The following UBXN2B variants were observed in gnomAD, a reference collection of about 807,000 sequenced individuals.
UBXN2B encodes UBX domain-containing protein 2B.
Under a neutral mutation model 37.5 loss-of-function variants are expected in UBXN2B, and 19 were observed. The observed-to-expected ratio is 0.51, with a 90% CI of 0.35 to 0.74. The LOEUF (loss-of-function observed/expected upper bound fraction) is 0.74, where lower values mean the gene tolerates loss of function less well. Ranked by LOEUF, UBXN2B falls within the 30% of genes least tolerant of loss-of-function variation. UBXN2B has a pLI of 0.01. For synonymous variants in UBXN2B, 145 were observed against 143.8 expected (o/e 1.01, Z -0.06); for missense variants, 370 against 393.2 (o/e 0.94, Z 0.50).
At chr8:58,443,096 C>T (rs1051077469) in intron 6 of UBXN2B, among the ~76,000 whole-genome samples, 6 of 152,196 alleles carry the variant, frequency 3.9e-5, no homozygotes, top group African/African-American at 1.2e-4. Context: ...TGCTGTGCCT[C>T]GCCAGTCTCA....
chr8:58,425,002 A>G, intron 2 of UBXN2B: 2 of 785,916 alleles, frequency 2.5e-6, no homozygotes, highest in South Asian at 1.3e-5. Flanking sequence ...ACTGCCGTGC[A>G]CCACGACTGG....
At position 58,445,984 on chromosome 8, in the gene UBXN2B, T is replaced by C. The variant is rs1442780964; in HGVS notation, c.749T>C (p.Ile250Thr). ...DKSILNAVVL[I>T]DDSVPTTKIQ... ...TCAATACTTAATGCAGTTGTTCTTA[T>C]TGATGATTCAGTGCCAACAACAAAA... Residue 250 changes from isoleucine to threonine, a missense_variant, in exon 7 of 8, where the codon ATT (isoleucine) becomes ACT (threonine). Coordinates refer to ENST00000399598, the MANE Select transcript of UBXN2B (RefSeq NM_001077619.2). 5 of 1,613,378 alleles carry C rather than the reference T, an allele frequency of 3.1e-6. No homozygotes were observed. Among genetic ancestry groups the C allele is most frequent in the African/African-American group, 1.3e-5 (1 of 75,006 alleles).
chr8:58,417,246 G>A (rs554556631), intron 2 of UBXN2B, among the ~76,000 whole-genome samples: 1 of 152,118 alleles, frequency 6.6e-6, no homozygotes, highest in South Asian at 2.1e-4. Flanking sequence ...TATTTTTCTT[G>A]GGCACAATGG....
intron 5 of UBXN2B, among the ~76,000 whole-genome samples, chr8:58,439,101 G>A (rs1808485111): frequency 6.6e-6 from 1 of 152,104 alleles, no homozygotes; most frequent in African/African-American, 2.4e-5. Flanking sequence ...AGTTTCCCGA[G>A]GTCTCACCAG....
Position 58,447,445 on chromosome 8 carries a change from A to G in UBXN2B, c.890A>G (p.Asp297Gly). Reference protein sequence around the residue: ...VQSRPEFAALDFILVTSFPNK... With the variant: ...VQSRPEFAALGFILVTSFPNK... ...TCTCGTCCTGAATTTGCGGCTCTTG[A>G]CTTTATTCTTGTGACTTCATTTCCG... The change falls in exon 8 of 8, where the codon GAC (aspartate) becomes GGC (glycine). Residue 297 changes from aspartate (D) to glycine (G), a missense_variant. By Grantham distance (94) the Asp-to-Gly change is moderately conservative. Transcript: ENST00000399598. 1 of 1,613,038 alleles carries G rather than the reference A, an allele frequency of 6.2e-7. No individual in the cohort carries two copies. The highest frequency in any genetic ancestry group is 1.1e-5 in the South Asian group (1 of 90,924).
At chr8:58,425,172 TTC>T (rs1412194226) in intron 2 of UBXN2B, 2 of 889,346 alleles carry the variant, frequency 2.2e-6, no homozygotes, top group Non-Finnish European at 3.8e-6. Context: ...AAAGTTTAAG[TTC>T]TCTTAGCATA....
At chr8:58,430,139 T>A (rs966571176) in intron 2 of UBXN2B, among the ~76,000 whole-genome samples, 3 of 152,230 alleles carry the variant, frequency 2.0e-5, no homozygotes, top group African/African-American at 7.2e-5. Context: ...CTACTGAGTG[T>A]GGCCTTCTTA....
In UBXN2B at chr8:58,433,154, T is replaced by C. The variant is rs1482549247; in HGVS notation, c.340-6T>C. On this transcript the variant is annotated splice_region_variant and splice_polypyrimidine_tract_variant and intron_variant, in intron 3 of 7. Transcript: ENST00000399598. ...TGAATTTTAACTCACTTGCTATGTA[T>C]TTTAGTCATTTACAGGTGGAGGATA... 17 of 1,601,298 alleles carry C rather than the reference T, an allele frequency of 1.1e-5. No individual in the cohort carries two copies. In the East Asian group the frequency reaches 3.6e-4, roughly 34 times the overall value.
chr8:58,424,185 C>T (rs945189235), intron 2 of UBXN2B, among the ~76,000 whole-genome samples: 7 of 147,394 alleles, frequency 4.7e-5, no homozygotes, highest in East Asian at 3.9e-4. Context: ...TTCTTATCCC[C>T]GACAATGAGG....
chr8:58,432,262 T>TATATA (rs1808298221), intron 3 of UBXN2B, among the ~76,000 whole-genome samples: 3 of 152,106 alleles, frequency 2.0e-5, no homozygotes, highest in African/African-American at 7.2e-5. Flanking sequence ...ATATAAGGTG[T>TATATA]GAGGTTGACA....
chr8:58,434,381 T>C lies in UBXN2B; in HGVS notation c.424-14T>C, dbSNP rs561158906. The C allele has an allele frequency of 6.6e-4, 784 of 1,187,096 alleles. 10 individuals are homozygous for C. The African/African-American group carries it at 0.011, about 17-fold the overall frequency. The allele number at this position is 1,187,096 out of a possible 1,614,324, so 73.5% of individuals were successfully genotyped here. ...TATATATATATATATTTTTTTTTTTTCTATACCCAAAAGGTTCAGATTTTG... is the reference window on the plus strand; with the variant it reads ...TATATATATATATATTTTTTTTTTTCCTATACCCAAAAGGTTCAGATTTTG... On this transcript the variant is annotated splice_polypyrimidine_tract_variant and intron_variant, in intron 4 of 7. Coordinates refer to ENST00000399598, the MANE Select transcript of UBXN2B (RefSeq NM_001077619.2).
At chr8:58,442,396 G>T (rs1808570945) in intron 6 of UBXN2B, among the ~76,000 whole-genome samples, 5 of 152,156 alleles carry the variant, frequency 3.3e-5, no homozygotes. Context: ...CATTTAGAAA[G>T]TAACTTTCTA....
intron 6 of UBXN2B, among the ~76,000 whole-genome samples, chr8:58,443,388 T>A (rs889365975): frequency 1.3e-5 from 2 of 152,178 alleles, no homozygotes; most frequent in South Asian, 4.1e-4. Flanking sequence ...TTTTCTTTCT[T>A]AAAAAATTTT....
intron 5 of UBXN2B, among the ~76,000 whole-genome samples, 166 bp downstream of exon 5, chr8:58,434,670 C>A (rs75310791): frequency 1.3e-5 from 2 of 152,212 alleles, no homozygotes; most frequent in East Asian, 3.9e-4. Context: ...AAAGGATATA[C>A]TGCTATCTGT....
At position 58,426,784 on chromosome 8, in the gene UBXN2B, C is replaced by T. The variant is rs1406355723; in HGVS notation, c.189-3735C>T. On this transcript the variant is annotated intron_variant, in intron 2 of 7. Coordinates refer to ENST00000399598, the MANE Select transcript of UBXN2B (RefSeq NM_001077619.2). Reference sequence around the variant, plus strand: ...TGGCCCGAGGGAGGCCCGCTCGGGACCAGATGCGGGGCGGAGCCAGCCGAC... The same window carrying T: ...TGGCCCGAGGGAGGCCCGCTCGGGATCAGATGCGGGGCGGAGCCAGCCGAC... 2 of 614,476 alleles carry T rather than the reference C, an allele frequency of 3.3e-6. 1 individual carries two copies. Among genetic ancestry groups the T allele is most frequent in the Admixed American group, 4.2e-5 (2 of 47,532 alleles). The allele number at this position is 614,476 out of a possible 1,614,324, so 38.1% of individuals were successfully genotyped here. A position where few individuals can be genotyped will look rare whatever the true frequency, so the allele number is the denominator to read the frequency against.
At position 58,426,090 on chromosome 8, in the gene UBXN2B, C is replaced by T. The variant is rs903027211; in HGVS notation, c.189-4429C>T. 3 of 1,390,638 alleles carry T rather than the reference C, an allele frequency of 2.2e-6. No individual in the cohort carries two copies. The African/African-American group carries it at 4.3e-5, about 20-fold the overall frequency. 86.1% of individuals were successfully genotyped at this position (1,390,638 alleles called of 1,614,324 possible). A position where few individuals can be genotyped will look rare whatever the true frequency, so the allele number is the denominator to read the frequency against. On this transcript the variant is annotated intron_variant, in intron 2 of 7. Coordinates refer to ENST00000399598, the MANE Select transcript of UBXN2B (RefSeq NM_001077619.2). ...GGATATTTAAGCTCAATAACATCTC[C>T]ATTCTTCTCTTTTAATTGCCCGTGA...
rs869090698 is a variant in UBXN2B, at chr8:58,446,779, A to ATTTTTTTTTTTTTTTTTTTTTTTT, written c.834-597_834-574dup. On this transcript the variant is annotated intron_variant, in intron 7 of 7. Transcript: ENST00000399598. ...ATACTCCGAAAAAAGTACAACCTGC[A>ATTTTTTTTTTTTTTTTTTTTTTTT]TTTTTTTTTTTTTTTTTTTTTTTTT... 1.4e-3 allele frequency among the ~76,000 whole-genome samples: 25 copies of ATTTTTTTTTTTTTTTTTTTTTTTT among 17,402 alleles called. 9 individuals are homozygous for ATTTTTTTTTTTTTTTTTTTTTTTT. Among genetic ancestry groups the ATTTTTTTTTTTTTTTTTTTTTTTT allele is most frequent in the Non-Finnish European group, 1.8e-3 (17 of 9,594 alleles). 11.4% of individuals were successfully genotyped at this position (17,402 alleles called of 152,430 possible).
chr8:58,416,339 C>A (rs1233877079), intron 1 of UBXN2B, among the ~76,000 whole-genome samples: 1 of 151,844 alleles, frequency 6.6e-6, no homozygotes, highest in Non-Finnish European at 1.5e-5. Flanking sequence ...AATTTATGGT[C>A]TTGTTTGTTC....
intron 5 of UBXN2B, among the ~76,000 whole-genome samples, chr8:58,437,406 C>G (rs1003064383): frequency 3.5e-5 from 5 of 141,636 alleles, no homozygotes; most frequent in African/African-American, 1.3e-4. Flanking sequence ...AGGCTCACTG[C>G]AACCTCCACC....
Sources: gnomAD v4.1 joint callset for allele counts (sites outside exome capture counted in the v4.1 genomes callset) on GRCh38, gnomAD v4.1.1 for gene constraint, MANE v1.5 for transcripts, NCBI Gene and HGNC (gene_info 2026-07-23, HGNC 2026-07-21) for gene names.